PEBP4: variants seen among roughly 807,000 people sequenced by gnomAD.
PEBP4 encodes phosphatidylethanolamine binding protein 4.
PEBP4 carries 22 observed loss-of-function variants against 23.9 expected under a neutral mutation model. The observed-to-expected ratio is 0.92, with a 90% CI of 0.66 to 1.31. PEBP4 has a LOEUF of 1.31. PEBP4 is among the 40% of genes most tolerant of loss of function. The probability of loss-of-function intolerance (pLI) is 0.00; values close to 1 mark genes in which losing one functional copy is unlikely to be tolerated. For missense variants in PEBP4, 324 were observed against 281.7 expected (o/e 1.15, Z -1.07); for synonymous variants, 112 against 99.3 (o/e 1.13, Z -0.76).
chr8:22,737,548 T>C (rs1004029202), intron 4 of PEBP4, among the ~76,000 whole-genome samples: 1 of 151,728 alleles, frequency 6.6e-6, no homozygotes, highest in African/African-American at 2.4e-5. Context: ...CCCCCCGCCT[T>C]GGAGAGCAAA....
At chr8:22,790,556 G>A (rs956972246) in intron 4 of PEBP4, among the ~76,000 whole-genome samples, 2 of 152,160 alleles carry the variant, frequency 1.3e-5, no homozygotes, top group Non-Finnish European at 2.9e-5. Context: ...GGGATATCTC[G>A]GCCTTGCTGG....
At chr8:22,771,407 C>T (rs764116313) in intron 4 of PEBP4, among the ~76,000 whole-genome samples, 3 of 151,990 alleles carry the variant, frequency 2.0e-5, no homozygotes, top group Non-Finnish European at 4.4e-5. Flanking sequence ...GAGAATCACT[C>T]GAACCCAGGA....
intron 3 of PEBP4, among the ~76,000 whole-genome samples, chr8:22,918,558 A>G (rs148949181): frequency 3.6e-4 from 54 of 152,074 alleles, no homozygotes; most frequent in African/African-American, 1.2e-3. Context: ...AGGTGCTCAG[A>G]AAAGTCTACA....
At chr8:22,929,833 C>G (rs1809427154), upstream of PEBP4, among the ~76,000 whole-genome samples, 1 of 152,118 alleles carries the variant, frequency 6.6e-6, no homozygotes, top group South Asian at 2.1e-4. Context: ...CACAGCCTCT[C>G]AAGTAGCTGG....
At chr8:22,825,801 A>G in intron 3 of PEBP4, among the ~76,000 whole-genome samples, 1 of 152,278 alleles carries the variant, frequency 6.6e-6, no homozygotes. Flanking sequence ...GTCTATCAAC[A>G]GATGAATGGA....
At chr8:22,832,728 G>T (rs532990680) in intron 3 of PEBP4, among the ~76,000 whole-genome samples, 2 of 152,302 alleles carry the variant, frequency 1.3e-5, no homozygotes, top group Admixed American at 1.3e-4. Context: ...CACTGGCAAG[G>T]TGGGGACTGT....
At chr8:22,724,757 G>T in intron 6 of PEBP4, 86 bp downstream of exon 6, 1 of 1,008,016 alleles carries the variant, frequency 9.9e-7, no homozygotes, top group Non-Finnish European at 1.5e-6. Flanking sequence ...GGGGGTCAAG[G>T]CCCCAATTTC....
chr8:22,915,756 G>C (rs976423671), intron 3 of PEBP4, among the ~76,000 whole-genome samples: 3 of 152,120 alleles, frequency 2.0e-5, no homozygotes, highest in African/African-American at 7.2e-5. Context: ...CATCCATTAG[G>C]GTCTGTTCTT....
rs13439220 is a variant in PEBP4 at position 22,922,197 on chromosome 8, T to C, written c.132-1887A>G. Among the ~76,000 whole-genome samples the C allele has an allele frequency of 4.7e-3, 716 of 152,240 alleles. 5 individuals carry two copies. The highest frequency in any genetic ancestry group is 0.016 in the African/African-American group (675 of 41,572). On this transcript the variant is annotated intron_variant, in intron 2 of 6. Coordinates refer to ENST00000256404, the MANE Select transcript of PEBP4 (RefSeq NM_144962.3). Reference sequence around the variant, plus strand: ...GCACTGCCAGGCCAGCGTTTGAACATAGCGTATTGCCCCACCTAGGATGAT... The same window carrying C: ...GCACTGCCAGGCCAGCGTTTGAACACAGCGTATTGCCCCACCTAGGATGAT...
intron 3 of PEBP4, among the ~76,000 whole-genome samples, chr8:22,916,386 G>C (rs955460205): frequency 1.3e-5 from 2 of 152,088 alleles, no homozygotes; most frequent in East Asian, 3.9e-4. Context: ...CACCTCTCTC[G>C]CTCAGCCATA....
intron 3 of PEBP4, among the ~76,000 whole-genome samples, chr8:22,832,738 T>C (rs1807113262): frequency 6.6e-6 from 1 of 151,860 alleles, no homozygotes; most frequent in African/African-American, 2.4e-5. Context: ...GTGGGGACTG[T>C]TTTTATTTTC....
At chr8:22,830,193 G>A (rs749664433) in intron 3 of PEBP4, among the ~76,000 whole-genome samples, 3 of 149,998 alleles carry the variant, frequency 2.0e-5, no homozygotes, top group South Asian at 4.2e-4. Flanking sequence ...GTAGTGGTGC[G>A]ATTTCGGCTA....
chr8:22,771,597 G>A (rs185990355), intron 4 of PEBP4, among the ~76,000 whole-genome samples: 8 of 152,298 alleles, frequency 5.3e-5, no homozygotes, highest in Non-Finnish European at 1.0e-4. Flanking sequence ...CTCTGACTCC[G>A]TGCTTGGCAC....
chr8:22,791,875 T>A (rs759325472), intron 4 of PEBP4, among the ~76,000 whole-genome samples: 1 of 147,872 alleles, frequency 6.8e-6, no homozygotes, highest in Non-Finnish European at 1.5e-5. Context: ...TTTTTTTTTT[T>A]AGACAGGGTC....
intron 4 of PEBP4, among the ~76,000 whole-genome samples, chr8:22,795,521 C>A (rs1222101827): frequency 1.8e-4 from 28 of 152,054 alleles, no homozygotes; most frequent in Admixed American, 1.8e-3. Context: ...TCTATTCTAC[C>A]CTTCCCTTAT....
chr8:22,749,406 C>CCTCA (rs1279654097), intron 4 of PEBP4, among the ~76,000 whole-genome samples: 1 of 152,176 alleles, frequency 6.6e-6, no homozygotes, highest in Non-Finnish European at 1.5e-5. Context: ...AACTGTCTTC[C>CCTCA]CGGGCTCACG....
chr8:22,768,855 T>C (rs1042588774), intron 4 of PEBP4, among the ~76,000 whole-genome samples: 10 of 152,266 alleles, frequency 6.6e-5, no homozygotes, highest in African/African-American at 1.9e-4. Context: ...CAGAAGGTTC[T>C]AGAGGCCGAA....
chr8:22,767,623 G>A (rs1805636306), intron 4 of PEBP4, among the ~76,000 whole-genome samples: 1 of 151,952 alleles, frequency 6.6e-6, no homozygotes, highest in South Asian at 2.1e-4. Flanking sequence ...TATGGATGGG[G>A]AGGAGGTGTG....
intron 3 of PEBP4, among the ~76,000 whole-genome samples, chr8:22,861,224 CT>C (rs1228102617): frequency 6.6e-6 from 1 of 152,112 alleles, no homozygotes; most frequent in African/African-American, 2.4e-5. Context: ...AAGAATTTCA[CT>C]TTAGCCTACT....
Sources: gnomAD v4.1 joint callset for allele counts (sites outside exome capture counted in the v4.1 genomes callset) on GRCh38, gnomAD v4.1.1 for gene constraint, MANE v1.5 for transcripts, NCBI Gene and HGNC (gene_info 2026-07-23, HGNC 2026-07-21) for gene names.